The following RBM46 variants were observed in gnomAD, a reference collection of about 807,000 sequenced individuals.
The protein encoded by RBM46 is RNA binding motif protein 46.
RBM46 carries 12 observed loss-of-function variants against 43.3 expected under a neutral mutation model. The observed-to-expected ratio is 0.28, with a 90% CI of 0.18 to 0.45. RBM46 has a LOEUF of 0.45. Among genes scored for constraint, RBM46 ranks in the 20% least tolerant of loss-of-function variants. RBM46 has a pLI of 1.00. For synonymous variants in RBM46, 205 were observed against 207.6 expected, an observed-to-expected ratio of 0.99 and a Z score of 0.11; for missense variants, 412 against 639.1, an observed-to-expected ratio of 0.64 and a Z score of 3.83.
At chr4:154,804,218 G>A (rs1734793725) in intron 4 of RBM46, among the ~76,000 whole-genome samples, 1 of 152,154 alleles carries the variant, frequency 6.6e-6, no homozygotes, top group Admixed American at 6.5e-5. Context: ...AGCAGTGCAA[G>A]AATGATCTAA....
At position 154,827,918 on chromosome 4, in the gene RBM46, A is replaced by G; in HGVS notation, c.1453A>G (p.Thr485Ala). 1.2e-6 allele frequency: 2 copies of G among 1,613,902 alleles called. No individual in the cohort carries two copies. Among genetic ancestry groups the G allele is most frequent in the Non-Finnish European group, 1.7e-6 (2 of 1,179,860 alleles). Residue 485 changes from threonine (T) to alanine (A), a missense_variant, in exon 5 of 5, where the codon ACC (threonine) becomes GCC (alanine). Around this residue, in one of 8 missense-constraint regions of RBM46, gnomAD observed 149 missense variants for 156.3 expected, o/e 0.95. Transcript: ENST00000281722. Reference sequence around the variant, plus strand: ...AAATAGTCTTTCCCCTGTTAGTGCTACCCTCTCTTCTGGGACTCCCAGCGT... The same window carrying G: ...AAATAGTCTTTCCCCTGTTAGTGCTGCCCTCTCTTCTGGGACTCCCAGCGT... The part of the protein sequence containing the change: ...SINSLSPVSA[T>A]LSSGTPSVLP...
Position 154,828,245 on chromosome 4 carries a change from A to T in RBM46, c.*178A>T. 1.7e-6 allele frequency: 1 copy of T among 589,042 alleles called. No individual in the cohort carries two copies. Among genetic ancestry groups the T allele is most frequent in the Non-Finnish European group, 3.0e-6 (1 of 335,640 alleles). 36.5% of individuals were successfully genotyped at this position (589,042 alleles called of 1,614,324 possible). On this transcript the variant is annotated 3_prime_UTR_variant, in exon 5 of 5. Coordinates refer to ENST00000281722, the MANE Select transcript of RBM46 (RefSeq NM_144979.5). ...TAACATGGAGTTGTAGAATTTATAAAAATGCAAAGTTTAAAAAGTTATTCA... is the reference window on the plus strand; with the variant it reads ...TAACATGGAGTTGTAGAATTTATAATAATGCAAAGTTTAAAAAGTTATTCA...
rs139934094 is a variant in RBM46 at position 154,794,584 on chromosome 4, T to G, written c.-11-2158T>G. Among the ~76,000 whole-genome samples, 812 of 152,300 alleles carry G rather than the reference T, an allele frequency of 5.3e-3. 1 individual carries two copies. The highest frequency in any genetic ancestry group is 0.037 in the Middle Eastern group (11 of 294). The stretch of plus-strand genomic sequence containing the variant: ...TCAGAATCTATAGTAGCTCCTCATT[T>G]AACTCAGAATAAAAGCTAAAGTTTA... On this transcript the variant is annotated intron_variant, in intron 1 of 4. Transcript: ENST00000281722.
intron 4 of RBM46, chr4:154,827,146 T>G (rs752938748): frequency 7.2e-5 from 68 of 946,934 alleles, no homozygotes; most frequent in Non-Finnish European, 8.3e-5. Context: ...AAGATGAATG[T>G]TTATTGTGAA....
At chr4:154,817,248 T>C (rs2111197597) in intron 4 of RBM46, among the ~76,000 whole-genome samples, 1 of 152,180 alleles carries the variant, frequency 6.6e-6, no homozygotes, top group Middle Eastern at 3.4e-3. Context: ...TCTTAGAGTT[T>C]TTAGCCCCTC....
Position 154,799,544 on chromosome 4 carries a change from A to G in RBM46, c.1382A>G (p.Gln461Arg), listed in dbSNP as rs777849010. 18 of 1,558,502 alleles carry G rather than the reference A, an allele frequency of 1.2e-5. No individual in the cohort carries two copies. In the South Asian group the frequency reaches 2.1e-4, roughly 18 times the overall value. Residue 461 changes from glutamine to arginine, a missense_variant, in exon 4 of 5, where the codon CAG (glutamine) becomes CGG (arginine). Transcript: ENST00000281722. Reference sequence around the variant, plus strand: ...GAAGATGCAAAGGAACTGGCAGCCCAGTTTACATTACTTCATTTGGGTAAG... The same window carrying G: ...GAAGATGCAAAGGAACTGGCAGCCCGGTTTACATTACTTCATTTGGGTAAG... ...TLEDAKELAA[Q>R]FTLLHLDYNF...
chr4:154,824,101 TTG>T (rs1491388346), intron 4 of RBM46, among the ~76,000 whole-genome samples: 11 of 152,044 alleles, frequency 7.2e-5, no homozygotes, highest in African/African-American at 2.6e-4. Flanking sequence ...TTTTTTTTTT[TTG>T]TTTTCCACAA....
At chr4:154,796,243 A>T (rs905901389) in intron 1 of RBM46, among the ~76,000 whole-genome samples, 1 of 152,226 alleles carries the variant, frequency 6.6e-6, no homozygotes, top group South Asian at 2.1e-4. Flanking sequence ...ACTCTGGGAT[A>T]ACACCCAGAT....
At chr4:154,817,670 T>A (rs562495585) in intron 4 of RBM46, among the ~76,000 whole-genome samples, 1 of 152,250 alleles carries the variant, frequency 6.6e-6, no homozygotes, top group African/African-American at 2.4e-5. Context: ...ATTTTTATTA[T>A]CATTTGTTTA....
Position 154,804,836 on chromosome 4 carries a change from T to C in RBM46, c.1402+5272T>C, listed in dbSNP as rs1268404632. Among the ~76,000 whole-genome samples, 9 of 133,798 alleles carry C rather than the reference T, an allele frequency of 6.7e-5. 1 individual carries two copies. The highest frequency in any genetic ancestry group is 2.9e-4 in the African/African-American group (9 of 31,058). 87.8% of individuals were successfully genotyped at this position (133,798 alleles called of 152,430 possible). ...GTTGTTTTTTTTTTTTTTTTTTTTT[T>C]AAACAGGTCTTTTTGAAAGCCTCTT... On this transcript the variant is annotated intron_variant, in intron 4 of 4. Coordinates refer to ENST00000281722, the MANE Select transcript of RBM46 (RefSeq NM_144979.5).
At position 154,799,478 on chromosome 4, in the gene RBM46, C is replaced by T; in HGVS notation, c.1316C>T (p.Ser439Phe). Residue 439 changes from serine (S) to phenylalanine (F), a missense_variant, in exon 4 of 5, where the codon TCC becomes TTC. Physicochemically the swap from Ser to Phe is radical, Grantham distance 155 (BLOSUM62 -2). Transcript: ENST00000281722. ...KIVIPAIANG[S>F]QSYFMPDKLC... ...GTTATTCCTGCTATTGCAAATGGATCCCAGAGTTACTTCATGCCAGACAAA... is the reference window on the plus strand; with the variant it reads ...GTTATTCCTGCTATTGCAAATGGATTCCAGAGTTACTTCATGCCAGACAAA... 2 of 1,613,298 alleles carry T rather than the reference C, an allele frequency of 1.2e-6. No individual in the cohort carries two copies. The highest frequency in any genetic ancestry group is 2.2e-5 in the South Asian group (2 of 90,860).
At chr4:154,824,629 G>A (rs1367705838) in intron 4 of RBM46, among the ~76,000 whole-genome samples, 3 of 151,974 alleles carry the variant, frequency 2.0e-5, no homozygotes, top group East Asian at 1.9e-4. Flanking sequence ...TTTGAGTTTC[G>A]ACTTGGCAAG....
chr4:154,789,130 A>G (rs1429217812), intron 1 of RBM46, among the ~76,000 whole-genome samples: 1 of 152,162 alleles, frequency 6.6e-6, no homozygotes, highest in Non-Finnish European at 1.5e-5. Flanking sequence ...AACAGGGACA[A>G]TTTGACTTCC....
chr4:154,783,789 C>T (rs1218743341), intron 1 of RBM46, among the ~76,000 whole-genome samples: 3 of 152,128 alleles, frequency 2.0e-5, no homozygotes, highest in African/African-American at 4.8e-5. Context: ...TATTTAACTT[C>T]TAGCAATAAA....
rs920345045 is a variant in RBM46, at chr4:154,799,300, C to G, written c.1138C>G (p.Pro380Ala). 6.2e-7 allele frequency: 1 copy of G among 1,614,158 alleles called. No individual in the cohort carries two copies. The highest frequency in any genetic ancestry group is 8.5e-7 in the Non-Finnish European group (1 of 1,180,038). Residue 380 changes from proline to alanine, a missense_variant, in exon 4 of 5, where the codon CCA becomes GCA. By Grantham distance (27) the Pro-to-Ala change is conservative (BLOSUM62 -1). Around this residue, in one of 8 missense-constraint regions of RBM46, gnomAD observed 105 missense variants for 111.0 expected, o/e 0.95. Coordinates refer to ENST00000281722, the MANE Select transcript of RBM46 (RefSeq NM_144979.5). The part of the protein sequence containing the change: ...YPFYPGTKLT[P>A]ISMYSLKSNH... Reference sequence around the variant, plus strand: ...TTTTTATCCTGGAACAAAGCTTACTCCAATTAGTATGTATTCTTTAAAATC... The same window carrying G: ...TTTTTATCCTGGAACAAAGCTTACTGCAATTAGTATGTATTCTTTAAAATC...
At chr4:154,793,085 C>T (rs1409583843) in intron 1 of RBM46, among the ~76,000 whole-genome samples, 3 of 152,156 alleles carry the variant, frequency 2.0e-5, no homozygotes, top group African/African-American at 7.2e-5. Flanking sequence ...TGAATGTGTA[C>T]ATGTATATCT....
intron 1 of RBM46, among the ~76,000 whole-genome samples, chr4:154,792,504 C>T (rs537503385): frequency 5.3e-4 from 81 of 152,172 alleles, no homozygotes; most frequent in Non-Finnish European, 9.3e-4. Flanking sequence ...TATCATATGC[C>T]AAGGGGTCTG....
intron 4 of RBM46, among the ~76,000 whole-genome samples, chr4:154,825,786 A>G (rs993376950): frequency 6.6e-6 from 1 of 152,188 alleles, no homozygotes; most frequent in African/African-American, 2.4e-5. Flanking sequence ...TGTGTTCACA[A>G]TTCATGAATA....
intron 4 of RBM46, among the ~76,000 whole-genome samples, chr4:154,816,385 C>A (rs1735443951): frequency 6.6e-6 from 1 of 152,006 alleles, no homozygotes; most frequent in South Asian, 2.1e-4. Context: ...TACCTCTCTT[C>A]ATTTACCTAG....
Sources: allele counts gnomAD v4.1 joint callset (sites outside exome capture counted in the v4.1 genomes callset), GRCh38; gene constraint gnomAD v4.1.1; regional missense constraint gnomAD v4.1.1; transcripts MANE v1.5; gene names NCBI Gene and HGNC (gene_info 2026-07-23, HGNC 2026-07-21).